The following ERC1 variants were observed in gnomAD, a reference collection of about 807,000 sequenced individuals.
ERC1 encodes ELKS/RAB6-interacting/CAST family member 1, also known as RAB6 interacting protein 2.
ERC1 carries 56 observed loss-of-function variants against 132.0 expected under a neutral mutation model. That is an observed-to-expected ratio of 0.42 (90% CI 0.34 to 0.53). The LOEUF is 0.53. Ranked by LOEUF, ERC1 falls within the 20% of genes least tolerant of loss-of-function variation. ERC1 has a pLI of 0.03. For missense variants in ERC1, 1,202 were observed against 1,349.9 expected, an observed-to-expected ratio of 0.89 and a Z score of 1.72; for synonymous variants, 478 against 476.1, an observed-to-expected ratio of 1.00 and a Z score of -0.05.
chr12:1,140,205 C>T (rs760519098), intron 7 of ERC1, among the ~76,000 whole-genome samples: 1 of 152,074 alleles, frequency 6.6e-6, no homozygotes, highest in Non-Finnish European at 1.5e-5. Flanking sequence ...ACAGTAGTAG[C>T]AAGTACTTAT....
At chr12:1,024,416 C>T (rs1449837858) in intron 1 of ERC1, among the ~76,000 whole-genome samples, 1 of 152,040 alleles carries the variant, frequency 6.6e-6, no homozygotes, top group Non-Finnish European at 1.5e-5. Context: ...CGCCTCTCCA[C>T]CCCGCTCCCC....
chr12:1,385,524 TA>T (rs1256708758), intron 16 of ERC1, among the ~76,000 whole-genome samples: 6 of 152,134 alleles, frequency 3.9e-5, no homozygotes, highest in South Asian at 4.1e-4. Context: ...GACCTCGTGA[TA>T]ACGCCCGCCT....
chr12:1,322,658 A>T (rs754329648), intron 15 of ERC1, among the ~76,000 whole-genome samples: 3 of 152,110 alleles, frequency 2.0e-5, no homozygotes, highest in African/African-American at 7.2e-5. Flanking sequence ...TGTTTCTTTT[A>T]GATTGACCTT....
At chr12:1,388,514 G>A (rs529369531) in intron 16 of ERC1, among the ~76,000 whole-genome samples, 2 of 152,276 alleles carry the variant, frequency 1.3e-5, no homozygotes, top group East Asian at 3.9e-4. Flanking sequence ...GCAGTGACGT[G>A]AGACTCCAGA....
chr12:991,432 C>G (rs1270395825), intron 1 of ERC1, 110 bp downstream of exon 1: 1 of 153,126 alleles, frequency 6.5e-6, no homozygotes, highest in African/African-American at 2.4e-5. Context: ...TTCTTGCTCA[C>G]GGCCCGGGCT....
At chr12:1,477,856 A>G (rs1284225014) in intron 18 of ERC1, among the ~76,000 whole-genome samples, 3 of 152,156 alleles carry the variant, frequency 2.0e-5, no homozygotes, top group Admixed American at 6.5e-5. Context: ...GAATCATACC[A>G]TACTCTATTG....
chr12:1,149,435 G>A (rs1950648474), intron 8 of ERC1, among the ~76,000 whole-genome samples: 1 of 152,162 alleles, frequency 6.6e-6, no homozygotes, highest in Non-Finnish European at 1.5e-5. Context: ...GTCTCACTGT[G>A]TTGCCCAGGC....
intron 15 of ERC1, among the ~76,000 whole-genome samples, chr12:1,291,904 C>G (rs1038716688): frequency 3.3e-5 from 5 of 152,200 alleles, no homozygotes; most frequent in Admixed American, 1.3e-4. Context: ...GCAGATCCCA[C>G]AATGGGTCTT....
intron 17 of ERC1, among the ~76,000 whole-genome samples, chr12:1,428,917 G>C (rs996992558): frequency 1.3e-5 from 2 of 152,146 alleles, no homozygotes; most frequent in African/African-American, 2.4e-5. Flanking sequence ...GCATTTCTGG[G>C]ATAAATTAAA....
At chr12:1,006,985 T>C (rs1963748615) in intron 1 of ERC1, among the ~76,000 whole-genome samples, 2 of 150,640 alleles carry the variant, frequency 1.3e-5, no homozygotes, top group Non-Finnish European at 3.0e-5. Context: ...GTGTATAGTA[T>C]ATAGTGTATA....
intron 18 of ERC1, among the ~76,000 whole-genome samples, chr12:1,450,316 G>C (rs559218630): frequency 6.6e-6 from 1 of 152,130 alleles, no homozygotes; most frequent in African/African-American, 2.4e-5. Context: ...CTGTTAAACA[G>C]TAACTCCCCA....
At chr12:1,265,842 G>A (rs564202788) in intron 14 of ERC1, among the ~76,000 whole-genome samples, 2 of 152,294 alleles carry the variant, frequency 1.3e-5, no homozygotes, top group East Asian at 3.9e-4. Flanking sequence ...CTTTCACTCA[G>A]CATCTGCATT....
chr12:1,249,667 T>C (rs962480885), intron 13 of ERC1, among the ~76,000 whole-genome samples: 1 of 152,238 alleles, frequency 6.6e-6, no homozygotes, highest in Non-Finnish European at 1.5e-5. Flanking sequence ...TTCTGTCACA[T>C]GCATCTTAGC....
chr12:1,168,323 C>T (rs1593901526), intron 8 of ERC1, among the ~76,000 whole-genome samples: 3 of 151,878 alleles, frequency 2.0e-5, no homozygotes. Context: ...TGGGTTTCGC[C>T]ATGTTGCTTA....
At chr12:1,326,857 A>G (rs2082478512) in intron 15 of ERC1, among the ~76,000 whole-genome samples, 1 of 151,808 alleles carries the variant, frequency 6.6e-6, no homozygotes, top group South Asian at 2.1e-4. Flanking sequence ...ACGTAGTCAC[A>G]TTACTCCAGG....
intron 16 of ERC1, among the ~76,000 whole-genome samples, chr12:1,405,146 T>TATAAATA (rs2091377016): frequency 7.0e-6 from 1 of 142,202 alleles, no homozygotes; most frequent in South Asian, 2.2e-4. Context: ...GCTCAAAAAA[T>TATAAATA]ATAAATAAAT....
intron 3 of ERC1, 79 bp downstream of exon 3, chr12:1,083,659 G>C (rs1383943820): frequency 2.7e-6 from 3 of 1,093,616 alleles, no homozygotes; most frequent in Non-Finnish European, 4.0e-6. Context: ...TGGCCCCAGT[G>C]AATCTACGTG....
At chr12:1,027,428 T>C (rs1246221619) in intron 1 of ERC1, 1 of 156,990 alleles carries the variant, frequency 6.4e-6, no homozygotes, top group African/African-American at 2.4e-5. Flanking sequence ...CCCAGGTTGG[T>C]CTTGAACTCC....
intron 12 of ERC1, among the ~76,000 whole-genome samples, chr12:1,212,370 G>T (rs918102146): frequency 1.3e-5 from 2 of 152,046 alleles, no homozygotes; most frequent in African/African-American, 4.8e-5. Flanking sequence ...CCTTAGGAAA[G>T]TTCAGATACT....
Sources: gnomAD v4.1 joint callset for allele counts (sites outside exome capture counted in the v4.1 genomes callset) on GRCh38, gnomAD v4.1.1 for gene constraint, MANE v1.5 for transcripts, NCBI Gene and HGNC (gene_info 2026-07-23, HGNC 2026-07-21) for gene names.